Variants in MTUS2 observed in about 807,000 individuals in gnomAD.
MTUS2 encodes microtubule-associated tumor suppressor candidate 2.
MTUS2 carries 40 observed loss-of-function variants against 114.1 expected under a neutral mutation model. The ratio of observed to expected loss-of-function variants is 0.35; its 90% CI spans 0.27 to 0.46. The LOEUF (loss-of-function observed/expected upper bound fraction) is 0.46, where lower values mean the gene tolerates loss of function less well. Among genes scored for constraint, MTUS2 ranks in the 20% least tolerant of loss-of-function variants. MTUS2 has a pLI of 1.00. For synonymous variants in MTUS2, 688 were observed against 672.0 expected (o/e 1.02, Z -0.37); for missense variants, 1,679 against 1,705.4 (o/e 0.98, Z 0.27).
intron 5 of MTUS2, among the ~76,000 whole-genome samples, chr13:29,147,150 T>G (rs988373864): frequency 6.6e-6 from 1 of 152,140 alleles, no homozygotes; most frequent in Non-Finnish European, 1.5e-5. Flanking sequence ...TTTTTAACCA[T>G]CATTGAGGAA....
chr13:29,131,890 G>C (rs1202513321), intron 5 of MTUS2, among the ~76,000 whole-genome samples: 1 of 152,256 alleles, frequency 6.6e-6, no homozygotes, highest in African/African-American at 2.4e-5. Flanking sequence ...ACATGATTTT[G>C]ATTGAATCCT....
intron 5 of MTUS2, among the ~76,000 whole-genome samples, chr13:29,163,047 A>C (rs752895802): frequency 1.3e-5 from 2 of 152,254 alleles, no homozygotes; most frequent in East Asian, 3.9e-4. Context: ...ATGTGTGCGC[A>C]TGTATGTGTG....
At chr13:28,994,414 C>A (rs944745466) in intron 2 of MTUS2, among the ~76,000 whole-genome samples, 1 of 152,132 alleles carries the variant, frequency 6.6e-6, no homozygotes, top group Non-Finnish European at 1.5e-5. Context: ...TGGATATATA[C>A]CCAGTAATGG....
chr13:29,051,341 T>C (rs1395207937), intron 4 of MTUS2, among the ~76,000 whole-genome samples: 1 of 152,092 alleles, frequency 6.6e-6, no homozygotes, highest in Non-Finnish European at 1.5e-5. Context: ...TTCATGTAGG[T>C]TGACTAACCA....
At chr13:28,953,104 G>C (rs757382966) in intron 2 of MTUS2, among the ~76,000 whole-genome samples, 15 of 151,588 alleles carry the variant, frequency 9.9e-5, no homozygotes, top group Non-Finnish European at 2.2e-4. Context: ...GAAATGTTGA[G>C]TTTGAGCAGC....
chr13:28,981,315 T>G (rs1373751932), intron 2 of MTUS2, among the ~76,000 whole-genome samples: 2 of 152,200 alleles, frequency 1.3e-5, no homozygotes, highest in Non-Finnish European at 2.9e-5. Flanking sequence ...ATGCTACATA[T>G]TGTATGATTT....
intron 7 of MTUS2, among the ~76,000 whole-genome samples, chr13:29,345,596 T>C (rs1290409483): frequency 6.6e-6 from 1 of 152,088 alleles, no homozygotes. Flanking sequence ...GGTATTCACC[T>C]TTCTCTGGTG....
At chr13:28,933,118 A>AAC (rs59162969) in intron 2 of MTUS2, among the ~76,000 whole-genome samples, 7,192 of 145,220 alleles carry the variant, frequency 0.05, 322 homozygotes, top group African/African-American at 0.12. Flanking sequence ...GGAGAATCAG[A>AAC]ACACACACAC....
rs533905938 is a variant in MTUS2 at position 29,368,306 on chromosome 13, C to T, written c.3117+8833C>T. On this transcript the variant is annotated intron_variant, in intron 8 of 15. Coordinates refer to ENST00000612955, the MANE Select transcript of MTUS2 (RefSeq NM_001033602.4). ...GGGACAGCAGGTGGGACACAGTACC[C>T]TGTGTCCCACCCATCCTCTCCAGGA... is the stretch of plus-strand genomic sequence containing the variant. Among the ~76,000 whole-genome samples, 15 of 152,052 alleles carry T rather than the reference C, an allele frequency of 9.9e-5. No homozygotes were observed. The East Asian group carries it at 2.5e-3, about 26-fold the overall frequency.
intron 6 of MTUS2, among the ~76,000 whole-genome samples, chr13:29,286,443 GTC>G (rs1216361871): frequency 6.6e-6 from 1 of 152,184 alleles, no homozygotes; most frequent in Non-Finnish European, 1.5e-5. Flanking sequence ...AACTCAGCTA[GTC>G]TCTCTAGTGT....
At chr13:29,180,646 T>C (rs1346251267) in intron 5 of MTUS2, among the ~76,000 whole-genome samples, 7 of 152,172 alleles carry the variant, frequency 4.6e-5, no homozygotes, top group African/African-American at 9.7e-5. Context: ...TCCAAACTTA[T>C]TGTTTTGCTC....
chr13:29,389,556 T>TGTGTATATGTATACAC (rs1873063325), intron 8 of MTUS2, among the ~76,000 whole-genome samples: 1 of 62,592 alleles, frequency 1.6e-5, no homozygotes, highest in African/African-American at 5.3e-5. Context: ...TGTATACACG[T>TGTGTATATGTATACAC]GTGTATATGT....
At position 29,496,269 on chromosome 13, in the gene MTUS2, A is replaced by G. The variant is rs969049036; in HGVS notation, c.3580-969A>G. ...CCAGCTGCCTGCCTAGCTGACAGGC[A>G]TGGGAAGGTTGAGGGCTGGGAGCGC... On this transcript the variant is annotated intron_variant, in intron 12 of 15. Coordinates refer to ENST00000612955, the MANE Select transcript of MTUS2 (RefSeq NM_001033602.4). This position sits in a 1 kb window ranked among gnomAD's most constrained non-coding sequence, Gnocchi z 4.3. 3 of 152,718 alleles carry G rather than the reference A, an allele frequency of 2.0e-5. No homozygotes were observed. Among genetic ancestry groups the G allele is most frequent in the Non-Finnish European group, 2.9e-5 (2 of 68,386 alleles). The allele number at this position is 152,718 out of a possible 1,614,324, so 9.5% of individuals were successfully genotyped here. A position where few individuals can be genotyped will look rare whatever the true frequency, so the allele number is the denominator to read the frequency against.
chr13:29,369,511 C>T (rs1437868221), intron 8 of MTUS2, among the ~76,000 whole-genome samples: 1 of 152,162 alleles, frequency 6.6e-6, no homozygotes, highest in Non-Finnish European at 1.5e-5. Context: ...CAGCTCAGCT[C>T]CTTTCATTTT....
intron 6 of MTUS2, among the ~76,000 whole-genome samples, chr13:29,282,079 C>A (rs767082428): frequency 6.6e-6 from 1 of 152,202 alleles, no homozygotes; most frequent in African/African-American, 2.4e-5. Context: ...GACTGGTAAC[C>A]CTTTGAATCA....
At position 29,440,776 on chromosome 13, in the gene MTUS2, C is replaced by T. The variant is rs78834868; in HGVS notation, c.3184+727C>T. 5.5e-3 allele frequency among the ~76,000 whole-genome samples: 838 copies of T among 152,160 alleles called. 6 individuals carry two copies. The highest frequency in any genetic ancestry group is 0.019 in the African/African-American group (807 of 41,504). On this transcript the variant is annotated intron_variant, in intron 9 of 15. Coordinates refer to ENST00000612955, the MANE Select transcript of MTUS2 (RefSeq NM_001033602.4). ...GCACTCCTCCTCCATCTAGTGTGGTCCTGGGAGCAGCCCACCATGTGCAGG... is the reference window on the plus strand; with the variant it reads ...GCACTCCTCCTCCATCTAGTGTGGTTCTGGGAGCAGCCCACCATGTGCAGG...
intron 2 of MTUS2, among the ~76,000 whole-genome samples, chr13:28,844,349 C>A (rs1207633302): frequency 1.3e-5 from 2 of 152,100 alleles, no homozygotes; most frequent in Non-Finnish European, 2.9e-5. Context: ...AATTCTTTGT[C>A]ATATTTATGT....
chr13:29,106,619 T>C (rs1360144912), intron 5 of MTUS2, among the ~76,000 whole-genome samples: 1 of 152,154 alleles, frequency 6.6e-6, no homozygotes, highest in Non-Finnish European at 1.5e-5. Context: ...CCTCCCAAAG[T>C]GCTGGGATTA....
chr13:28,902,814 A>G (rs1183577988), intron 2 of MTUS2, among the ~76,000 whole-genome samples: 1 of 152,126 alleles, frequency 6.6e-6, no homozygotes, highest in African/African-American at 2.4e-5. Flanking sequence ...GGTCAGGGTA[A>G]TAGTGGCTTC....
Sources: gnomAD v4.1 joint callset for allele counts (sites outside exome capture counted in the v4.1 genomes callset) on GRCh38, gnomAD v4.1.1 for gene constraint, Gnocchi (gnomAD v3.1) non-coding constraint, MANE v1.5 for transcripts, NCBI Gene and HGNC (gene_info 2026-07-23, HGNC 2026-07-21) for gene names.